EYS: variants seen among roughly 807,000 people sequenced by gnomAD.
EYS encodes the protein protein eyes shut homolog.
In EYS, 250 loss-of-function variants were observed where a neutral mutation model predicts 282.1. That is an observed-to-expected ratio of 0.89 (90% CI 0.80 to 0.98). The LOEUF is 0.98. Among genes scored for constraint, EYS ranks in the 50% least tolerant of loss-of-function variants. The pLI is 0.00. For synonymous variants in EYS, 1,355 were observed against 1,282.9 expected (o/e 1.06, Z -1.20); for missense variants, 4,016 against 3,709.0 (o/e 1.08, Z -2.15).
intron 31 of EYS, among the ~76,000 whole-genome samples, chr6:64,174,922 G>GC (rs1554215305): frequency 1.3e-5 from 2 of 151,714 alleles, no homozygotes; most frequent in Non-Finnish European, 2.9e-5. Flanking sequence ...GATTTCAAGA[G>GC]TTTTTTTTCT....
chr6:64,864,852 A>T (rs1766372282), intron 19 of EYS, among the ~76,000 whole-genome samples: 1 of 151,770 alleles, frequency 6.6e-6, no homozygotes. Flanking sequence ...CCTGGCCAAC[A>T]TGGTGAAACC....
intron 1 of EYS, among the ~76,000 whole-genome samples, chr6:65,645,299 A>T (rs1197145684): frequency 6.6e-6 from 1 of 152,232 alleles, no homozygotes; most frequent in Non-Finnish European, 1.5e-5. Context: ...AATAAGTCTC[A>T]GTAAATTTAA....
chr6:65,108,123 C>A (rs1561969444), intron 12 of EYS, among the ~76,000 whole-genome samples: 1 of 152,034 alleles, frequency 6.6e-6, no homozygotes, highest in East Asian at 1.9e-4. Context: ...ATATGTATGA[C>A]TGTTGACCTG....
At chr6:65,563,066 C>A (rs77269511) in intron 2 of EYS, among the ~76,000 whole-genome samples, 1 of 152,046 alleles carries the variant, frequency 6.6e-6, no homozygotes, top group African/African-American at 2.4e-5. Flanking sequence ...ATTAAGTATC[C>A]TTTCATCCAA....
intron 33 of EYS, among the ~76,000 whole-genome samples, chr6:64,019,617 G>T (rs1374962842): frequency 6.6e-6 from 1 of 151,446 alleles, no homozygotes; most frequent in South Asian, 2.1e-4. Context: ...CACCATATTG[G>T]CCAGGCTGGT....
chr6:64,010,704 G>T (rs527942379), intron 33 of EYS, among the ~76,000 whole-genome samples: 5 of 152,068 alleles, frequency 3.3e-5, no homozygotes, highest in African/African-American at 1.2e-4. Flanking sequence ...GTGTTCTTCT[G>T]CTGTGCCCAA....
chr6:65,397,348 A>T (rs1766317189), intron 7 of EYS, among the ~76,000 whole-genome samples: 2 of 151,964 alleles, frequency 1.3e-5, no homozygotes, highest in South Asian at 2.1e-4. Context: ...CCAATAGTTC[A>T]TATTTCATTC....
chr6:64,701,914 T>G (rs76901895), intron 22 of EYS, among the ~76,000 whole-genome samples: 8,615 of 143,854 alleles, frequency 0.06, 313 homozygotes, highest in East Asian at 0.19. Context: ...AATAGTCTGG[T>G]TTTTTTTGAA....
At chr6:64,319,681 G>C (rs1454901734) in intron 29 of EYS, among the ~76,000 whole-genome samples, 1 of 149,600 alleles carries the variant, frequency 6.7e-6, no homozygotes, top group Non-Finnish European at 1.5e-5. Context: ...GTAAATACAG[G>C]CAATCTCAGA....
At chr6:65,106,247 A>T (rs1284412848) in intron 12 of EYS, among the ~76,000 whole-genome samples, 2 of 152,016 alleles carry the variant, frequency 1.3e-5, no homozygotes, top group Non-Finnish European at 2.9e-5. Flanking sequence ...CTTTCTTTTA[A>T]CATAACTTCC....
At chr6:64,706,353 A>C (rs1408967812) in intron 22 of EYS, among the ~76,000 whole-genome samples, 2 of 151,942 alleles carry the variant, frequency 1.3e-5, no homozygotes, top group South Asian at 2.1e-4. Context: ...TAACATTATA[A>C]AAATTCTAGA....
chr6:65,426,028 TGTAGTGG>T (rs1767648201), intron 5 of EYS, among the ~76,000 whole-genome samples: 1 of 151,984 alleles, frequency 6.6e-6, no homozygotes, highest in South Asian at 2.1e-4. Flanking sequence ...TAAGCTAGAG[TGTAGTGG>T]CACAATCATA....
chr6:64,779,836 C>T (rs1483795682), intron 22 of EYS, among the ~76,000 whole-genome samples: 3 of 152,054 alleles, frequency 2.0e-5, no homozygotes, highest in Non-Finnish European at 4.4e-5. Flanking sequence ...TTTTAAAATG[C>T]TGTTTGATAG....
intron 40 of EYS, among the ~76,000 whole-genome samples, chr6:63,773,855 G>A (rs1382759172): frequency 6.6e-6 from 1 of 152,172 alleles, no homozygotes; most frequent in African/African-American, 2.4e-5. Flanking sequence ...GGTTCTAGGG[G>A]TTTGTAAACC....
chr6:65,234,240 G>C (rs1766863985), intron 12 of EYS, among the ~76,000 whole-genome samples: 1 of 152,194 alleles, frequency 6.6e-6, no homozygotes, highest in Non-Finnish European at 1.5e-5. Context: ...CATCAGAGCT[G>C]GGTGGAGGGA....
chr6:65,001,965 G>A (rs1442023692), intron 13 of EYS, among the ~76,000 whole-genome samples: 3 of 146,504 alleles, frequency 2.0e-5, no homozygotes, highest in Admixed American at 1.4e-4. Context: ...TTAATAGGTA[G>A]TATTGCATTA....
chr6:65,443,214 TCA>T (rs1295140463), intron 5 of EYS, among the ~76,000 whole-genome samples: 2 of 151,666 alleles, frequency 1.3e-5, no homozygotes, highest in Non-Finnish European at 3.0e-5. Flanking sequence ...TATGTATGCA[TCA>T]TATACACATG....
At chr6:64,306,142 G>A (rs528413448) in intron 30 of EYS, among the ~76,000 whole-genome samples, 1 of 152,024 alleles carries the variant, frequency 6.6e-6, no homozygotes, top group South Asian at 2.1e-4. Context: ...ACAATAATTA[G>A]GGAAATGCAA....
intron 5 of EYS, among the ~76,000 whole-genome samples, chr6:65,411,287 T>A (rs1335586060): frequency 6.6e-6 from 1 of 152,100 alleles, no homozygotes; most frequent in East Asian, 1.9e-4. Context: ...TCCCAATGTA[T>A]AAATATATCC....
Sources: allele counts gnomAD v4.1 joint callset (sites outside exome capture counted in the v4.1 genomes callset), GRCh38; gene constraint gnomAD v4.1.1; transcripts MANE v1.5; gene names NCBI Gene and HGNC (gene_info 2026-07-23, HGNC 2026-07-21).